Variants in RILPL2 observed in about 807,000 individuals in gnomAD.
RILPL2 encodes RILP-like protein 2.
RILPL2 carries 19 observed loss-of-function variants against 22.2 expected under a neutral mutation model. The observed-to-expected ratio is 0.86, with a 90% CI of 0.60 to 1.25. The LOEUF is 1.25. RILPL2 is among the 50% of genes most tolerant of loss of function. The pLI, the probability that RILPL2 is intolerant of heterozygous loss-of-function variation, is 0.00. For synonymous variants in RILPL2, 123 were observed against 111.6 expected, an observed-to-expected ratio of 1.10 and a Z score of -0.64; for missense variants, 243 against 263.6, an observed-to-expected ratio of 0.92 and a Z score of 0.54.
At chr12:123,432,526 A>C (rs1332674871) in intron 1 of RILPL2, among the ~76,000 whole-genome samples, 2 of 152,194 alleles carry the variant, frequency 1.3e-5, no homozygotes, top group Non-Finnish European at 2.9e-5. Flanking sequence ...AAGAAAAAAA[A>C]CAAGGCATAT....
At chr12:123,419,526 G>A (rs138919492) in intron 3 of RILPL2, among the ~76,000 whole-genome samples, 3 of 152,166 alleles carry the variant, frequency 2.0e-5, no homozygotes, top group African/African-American at 7.2e-5. Context: ...AGGTCCTTGG[G>A]CATTTCCCAC....
At chr12:123,420,856 G>A (rs902666767) in intron 3 of RILPL2, among the ~76,000 whole-genome samples, 1 of 152,098 alleles carries the variant, frequency 6.6e-6, no homozygotes, top group Non-Finnish European at 1.5e-5. Flanking sequence ...ATGCACTTAG[G>A]AGGTAAATAG....
chr12:123,423,168 G>A lies in RILPL2; in HGVS notation c.492-11C>T. On this transcript the variant is annotated splice_polypyrimidine_tract_variant and intron_variant, in intron 2 of 3. Transcript: ENST00000280571. ...GGTGGAATCAGGCCACTGGGAAACGGGACAAAAAATAAATGGATTATTTTA... is the reference window on the plus strand; with the variant it reads ...GGTGGAATCAGGCCACTGGGAAACGAGACAAAAAATAAATGGATTATTTTA... 1 of 1,510,230 alleles carries A rather than the reference G, an allele frequency of 6.6e-7. No individual in the cohort carries two copies. The highest frequency in any genetic ancestry group is 1.2e-5 in the South Asian group (1 of 84,450). 93.6% of individuals were successfully genotyped at this position (1,510,230 alleles called of 1,614,324 possible).
In RILPL2 at chr12:123,436,215, A is replaced by T; in HGVS notation, c.206T>A (p.Val69Asp). ...CGCCTCCAGCATCTCCAGGACGCGGACGACTTTGAACTGCAGCTGCGTCAC... is the reference window on the plus strand; with the variant it reads ...CGCCTCCAGCATCTCCAGGACGCGGTCGACTTTGAACTGCAGCTGCGTCAC... ...PRVTQLQFKV[V>D]RVLEMLEALV... The change falls in exon 1 of 4, where the codon GTC (valine) becomes GAC (aspartate). Residue 69 changes from valine (V) to aspartate (D), a missense_variant. Val to Asp is a radical substitution (Grantham distance 152, BLOSUM62 -3). Transcript: ENST00000280571. This position sits in a 1 kb window ranked among gnomAD's most constrained non-coding sequence, Gnocchi z 6.7. 6.2e-7 allele frequency: 1 copy of T among 1,612,572 alleles called. No individual in the cohort carries two copies. Among genetic ancestry groups the T allele is most frequent in the Non-Finnish European group, 8.5e-7 (1 of 1,179,464 alleles).
rs1362830751 is a variant in RILPL2, at chr12:123,430,646, G to A, written c.353C>T (p.Pro118Leu). Residue 118 changes from proline to leucine, a missense_variant, in exon 2 of 4, where the codon CCA becomes CTA. Physicochemically the swap from Pro to Leu is moderately conservative, Grantham distance 98 (BLOSUM62 -3). Transcript: ENST00000280571. ...PPASGEVNLG[P>L]NKMVVDLTDP... The stretch of plus-strand genomic sequence containing the variant: ...TGTCAGGTCAACCACCATTTTGTTT[G>A]GGCCCAGGTTCACCTGGAAGAAAAG... The A allele has an allele frequency of 1.3e-6, 2 of 1,592,882 alleles. No individual in the cohort carries two copies. Among genetic ancestry groups the A allele is most frequent in the East Asian group, 2.3e-5 (1 of 43,666 alleles).
At chr12:123,417,418 C>T (rs1199753159) in intron 3 of RILPL2, among the ~76,000 whole-genome samples, 1 of 152,084 alleles carries the variant, frequency 6.6e-6, no homozygotes, top group Admixed American at 6.6e-5. Flanking sequence ...TCATGTTACT[C>T]TCCAGCTTAA....
chr12:123,432,175 G>T (rs569410826), intron 1 of RILPL2, among the ~76,000 whole-genome samples: 1 of 152,096 alleles, frequency 6.6e-6, no homozygotes, highest in African/African-American at 2.4e-5. Flanking sequence ...GGGATTACAG[G>T]CATAAGCCAC....
At chr12:123,430,483 G>C in intron 2 of RILPL2, 25 bp downstream of exon 2, 2 of 1,590,656 alleles carry the variant, frequency 1.3e-6, no homozygotes, top group African/African-American at 1.4e-5. Flanking sequence ...TCTGGGTGCA[G>C]GACCCTCCAG....
intron 2 of RILPL2, among the ~76,000 whole-genome samples, chr12:123,426,148 C>T (rs1041649440): frequency 2.0e-5 from 3 of 151,690 alleles, no homozygotes; most frequent in African/African-American, 7.3e-5. Context: ...TATTTATATT[C>T]TAATTTTATT....
intron 2 of RILPL2, among the ~76,000 whole-genome samples, chr12:123,426,017 C>T (rs1879434369): frequency 2.0e-5 from 3 of 152,212 alleles, no homozygotes; most frequent in African/African-American, 7.2e-5. Flanking sequence ...ATCCATTGCC[C>T]AGGCTCATCT....
At chr12:123,426,891 C>G (rs555075325) in intron 2 of RILPL2, among the ~76,000 whole-genome samples, 1 of 151,548 alleles carries the variant, frequency 6.6e-6, no homozygotes, top group Admixed American at 6.6e-5. Flanking sequence ...CGTGAGCCAC[C>G]GCGGCCAGCC....
intron 2 of RILPL2, among the ~76,000 whole-genome samples, chr12:123,424,659 C>T (rs941971125): frequency 7.9e-5 from 12 of 152,058 alleles, no homozygotes; most frequent in African/African-American, 2.9e-4. Context: ...CAAAAAATTT[C>T]CTTTTGTGTT....
chr12:123,430,316 G>A (rs1016673937), intron 2 of RILPL2, among the ~76,000 whole-genome samples, 192 bp downstream of exon 2: 8 of 151,926 alleles, frequency 5.3e-5, no homozygotes, highest in Admixed American at 5.3e-4. Context: ...GGCTGAGGCA[G>A]GAGAATGGCG....
At position 123,436,134 on chromosome 12, in the gene RILPL2, A is replaced by C; in HGVS notation, c.287T>G (p.Leu96Arg). 1 of 1,597,578 alleles carries C rather than the reference A, an allele frequency of 6.3e-7. No homozygotes were observed. Among genetic ancestry groups the C allele is most frequent in the Non-Finnish European group, 8.5e-7 (1 of 1,172,742 alleles). The change falls in exon 1 of 4, where the codon CTC becomes CGC. Residue 96 changes from leucine to arginine, a missense_variant. Leu to Arg is a moderately radical substitution (Grantham distance 102). Transcript: ENST00000280571. The surrounding 1 kb of genome is among the most constrained non-coding windows in gnomAD (Gnocchi z 6.7). ...LEELKMERDH[L>R]RKEVEGLRRQ... ...CCGCAGCCCCTCCACCTCCTTCCTG[A>C]GGTGGTCCCTCTCCATCTTCAGCTC...
At chr12:123,410,034 GAC>G in the RILPL2 span, among the ~76,000 whole-genome samples, 1 of 152,018 alleles carries the variant, frequency 6.6e-6, no homozygotes, top group African/African-American at 2.4e-5. Flanking sequence ...CCACAGTAGA[GAC>G]AGGGTTTCAC....
intron 2 of RILPL2, among the ~76,000 whole-genome samples, chr12:123,429,988 C>T (rs371677550): frequency 4.3e-4 from 65 of 150,504 alleles, no homozygotes; most frequent in African/African-American, 1.3e-3. Flanking sequence ...TGGTGGCATG[C>T]ACCTGTGGTC....
downstream of RILPL2, chr12:123,411,552 C>CTTTTTTTTTT (rs557553934): frequency 2.3e-5 from 2 of 86,216 alleles, no homozygotes; most frequent in African/African-American, 5.1e-5. Context: ...GCTTGAAAAC[C>CTTTTTTTTTT]TTTTTTTTTT....
chr12:123,431,387 G>A (rs929006489), intron 1 of RILPL2, among the ~76,000 whole-genome samples: 2 of 150,494 alleles, frequency 1.3e-5, no homozygotes, highest in Non-Finnish European at 3.0e-5. Context: ...TAGTTACTGG[G>A]GGGCCGGGGG....
intron 3 of RILPL2, among the ~76,000 whole-genome samples, chr12:123,420,175 C>G (rs778063986): frequency 3.3e-5 from 5 of 151,942 alleles, no homozygotes; most frequent in Admixed American, 2.6e-4. Context: ...AAGGAGCCTG[C>G]CACCATGCCT....
Sources: gnomAD v4.1 joint callset for allele counts (sites outside exome capture counted in the v4.1 genomes callset) on GRCh38, gnomAD v4.1.1 for gene constraint, Gnocchi (gnomAD v3.1) non-coding constraint, MANE v1.5 for transcripts, NCBI Gene and HGNC (gene_info 2026-07-23, HGNC 2026-07-21) for gene names.